The following FAR2 variants were observed in gnomAD, a reference collection of about 807,000 sequenced individuals.
FAR2 encodes epididymis secretory protein Li 81.
In FAR2, 19 loss-of-function variants were observed where a neutral mutation model predicts 56.0. The ratio of observed to expected loss-of-function variants is 0.34; its 90% CI spans 0.24 to 0.50. FAR2 has a LOEUF of 0.50. Among genes scored for constraint, FAR2 ranks in the 20% least tolerant of loss-of-function variants. The pLI is 0.98. For missense variants in FAR2, 508 were observed against 642.2 expected (o/e 0.79, Z 2.26); for synonymous variants, 219 against 218.8 (o/e 1.00, Z -0.01).
chr12:29,269,339 C>T (rs1948574956), intron 1 of FAR2, among the ~76,000 whole-genome samples: 1 of 152,174 alleles, frequency 6.6e-6, no homozygotes. Context: ...CTCTGTTCCT[C>T]CCAGCTCACT....
intron 1 of FAR2, chr12:29,157,112 A>ATATATT (rs1170342368): frequency 4.8e-5 from 5 of 103,512 alleles, no homozygotes; most frequent in African/African-American, 2.0e-4. Context: ...CATTTTATAT[A>ATATATT]TATATATATA....
chr12:29,271,552 G>C (rs1042319875), intron 2 of FAR2, among the ~76,000 whole-genome samples: 1 of 152,168 alleles, frequency 6.6e-6, no homozygotes, highest in Admixed American at 6.5e-5. Context: ...CCAGTGTGTA[G>C]GAATGTTAAC....
intron 1 of FAR2, among the ~76,000 whole-genome samples, chr12:29,219,624 A>G (rs71453732): frequency 0.034 from 5,232 of 152,164 alleles, 131 homozygotes; most frequent in South Asian, 0.077. Context: ...CTCTGAGTAG[A>G]CAAGAAAAAA....
At chr12:29,327,474 G>A (rs1949667897) in intron 10 of FAR2, among the ~76,000 whole-genome samples, 2 of 152,172 alleles carry the variant, frequency 1.3e-5, no homozygotes, top group South Asian at 2.1e-4. Flanking sequence ...GAACAAAACT[G>A]GAGGCATCAG....
Position 29,333,931 on chromosome 12 carries a change from C to T in FAR2, c.*137C>T. The T allele has an allele frequency of 4.3e-6, 3 of 703,432 alleles. No homozygotes were observed. The highest frequency in any genetic ancestry group is 6.7e-6 in the Non-Finnish European group (3 of 449,030). 43.6% of individuals were successfully genotyped at this position (703,432 alleles called of 1,614,324 possible). A position where few individuals can be genotyped will look rare whatever the true frequency, so the allele number is the denominator to read the frequency against. ...CACCTGTTATGTATTCGTCCCTATTCCTTAACTATGTATTTTTATTTCAGT... is the reference window on the plus strand; with the variant it reads ...CACCTGTTATGTATTCGTCCCTATTTCTTAACTATGTATTTTTATTTCAGT... On this transcript the variant is annotated 3_prime_UTR_variant, in exon 12 of 12. Coordinates refer to ENST00000536681, the MANE Select transcript of FAR2 (RefSeq NM_001271783.2).
intron 1 of FAR2, among the ~76,000 whole-genome samples, chr12:29,263,140 A>G (rs1419822107): frequency 6.6e-6 from 1 of 152,152 alleles, no homozygotes; most frequent in African/African-American, 2.4e-5. Flanking sequence ...GGAGCCCCCC[A>G]GATATATAAA....
At chr12:29,268,882 G>A (rs1948565448) in intron 1 of FAR2, among the ~76,000 whole-genome samples, 1 of 151,986 alleles carries the variant, frequency 6.6e-6, no homozygotes, top group Admixed American at 6.6e-5. Context: ...TTTTTATTAG[G>A]GATTTTCAAA....
intron 1 of FAR2, among the ~76,000 whole-genome samples, chr12:29,214,360 G>T (rs1947593954): frequency 6.6e-6 from 1 of 152,194 alleles, no homozygotes; most frequent in Non-Finnish European, 1.5e-5. Flanking sequence ...CTTCATGTTT[G>T]TTGCCTATCA....
chr12:29,164,698 A>G (rs996475246), intron 1 of FAR2, among the ~76,000 whole-genome samples: 6 of 152,226 alleles, frequency 3.9e-5, no homozygotes, highest in South Asian at 2.1e-4. Context: ...GGACAGACAC[A>G]GAGGCTACTG....
chr12:29,238,246 T>C (rs1565483318), intron 1 of FAR2, among the ~76,000 whole-genome samples: 1 of 152,036 alleles, frequency 6.6e-6, no homozygotes, highest in South Asian at 2.1e-4. Context: ...CCAAACAATA[T>C]AGAGCAACAC....
chr12:29,155,003 C>T (rs553993431), intron 1 of FAR2, among the ~76,000 whole-genome samples: 1 of 152,192 alleles, frequency 6.6e-6, no homozygotes, highest in Non-Finnish European at 1.5e-5. Flanking sequence ...AAGCGGGAGA[C>T]TGGAATTGAC....
At chr12:29,234,710 C>T (rs1011016066) in intron 1 of FAR2, among the ~76,000 whole-genome samples, 8 of 152,112 alleles carry the variant, frequency 5.3e-5, no homozygotes, top group Admixed American at 5.2e-4. Context: ...ATGATTACAG[C>T]TATTATCTCT....
intron 1 of FAR2, chr12:29,171,703 T>C (rs1394945961): frequency 2.9e-5 from 4 of 137,544 alleles, no homozygotes; most frequent in Non-Finnish European, 6.2e-5. Flanking sequence ...CCATCTGGCA[T>C]GTGAGGAGCA....
At chr12:29,300,904 T>G (rs549803056) in intron 4 of FAR2, among the ~76,000 whole-genome samples, 21 of 152,308 alleles carry the variant, frequency 1.4e-4, no homozygotes, top group African/African-American at 5.1e-4. Flanking sequence ...GGCCCGGACC[T>G]TTCCTGTTTG....
intron 1 of FAR2, among the ~76,000 whole-genome samples, chr12:29,244,837 G>A (rs1948099809): frequency 6.6e-6 from 1 of 152,164 alleles, no homozygotes; most frequent in African/African-American, 2.4e-5. Flanking sequence ...AACTTGTACA[G>A]CAGAAAATCA....
At chr12:29,195,393 C>G (rs1352159183) in intron 1 of FAR2, among the ~76,000 whole-genome samples, 3 of 152,106 alleles carry the variant, frequency 2.0e-5, no homozygotes, top group Non-Finnish European at 2.9e-5. Context: ...AATGTTATTA[C>G]AAAACACTGA....
intron 1 of FAR2, among the ~76,000 whole-genome samples, chr12:29,150,487 T>G (rs559409361): frequency 6.6e-6 from 1 of 152,346 alleles, no homozygotes; most frequent in South Asian, 2.1e-4. Context: ...AATGGAAATT[T>G]GAGAATTACC....
chr12:29,152,958 T>G (rs1371280783), intron 1 of FAR2, among the ~76,000 whole-genome samples: 2 of 152,152 alleles, frequency 1.3e-5, no homozygotes. Flanking sequence ...GGGTGGGAAG[T>G]GTGCAGAAAA....
intron 1 of FAR2, among the ~76,000 whole-genome samples, chr12:29,201,469 T>C (rs564321166): frequency 5.9e-5 from 9 of 152,326 alleles, no homozygotes; most frequent in African/African-American, 1.7e-4. Flanking sequence ...CAGACAGTTA[T>C]ACCAAACCAT....
Sources: allele counts gnomAD v4.1 joint callset (sites outside exome capture counted in the v4.1 genomes callset), GRCh38; gene constraint gnomAD v4.1.1; transcripts MANE v1.5; gene names NCBI Gene and HGNC (gene_info 2026-07-23, HGNC 2026-07-21).